FADS2: variants seen among roughly 807,000 people sequenced by gnomAD.
FADS2 encodes the protein acyl-CoA 6-desaturase.
FADS2 carries 18 observed loss-of-function variants against 61.2 expected under a neutral mutation model. The observed-to-expected ratio is 0.29, with a 90% CI of 0.20 to 0.44. FADS2 has a LOEUF of 0.44. FADS2 is among the 20% of genes least tolerant of loss of function. The pLI, the probability that FADS2 is intolerant of heterozygous loss-of-function variation, is 1.00. For missense variants in FADS2, 322 were observed against 572.7 expected (o/e 0.56, Z 4.47); for synonymous variants, 203 against 223.9 (o/e 0.91, Z 0.83).
At chr11:61,818,199 A>T (rs1436448183) in intron 1 of FADS2, among the ~76,000 whole-genome samples, 1 of 152,256 alleles carries the variant, frequency 6.6e-6, no homozygotes, top group Non-Finnish European at 1.5e-5. Context: ...GTAGAAAAGG[A>T]TTAATTCATT....
chr11:61,858,332 C>T (rs2067382729), intron 7 of FADS2, among the ~76,000 whole-genome samples: 1 of 152,062 alleles, frequency 6.6e-6, no homozygotes, highest in Non-Finnish European at 1.5e-5. Flanking sequence ...GCACCGGCCA[C>T]CATGCCCAGC....
upstream of FADS2, chr11:61,826,612 T>C: frequency 1.7e-6 from 1 of 576,170 alleles, no homozygotes; most frequent in South Asian, 2.1e-5. Flanking sequence ...CATCCTCTTA[T>C]TTTGTACAGA....
intron 4 of FADS2, among the ~76,000 whole-genome samples, chr11:61,841,176 C>T (rs1031846308): frequency 4.6e-5 from 7 of 151,718 alleles, no homozygotes; most frequent in Non-Finnish European, 5.9e-5. Context: ...CTCAGCCTCC[C>T]GAGTAGCTGG....
intron 7 of FADS2, chr11:61,862,763 A>G (rs895202845): frequency 5.1e-6 from 3 of 583,374 alleles, no homozygotes; most frequent in Non-Finnish European, 6.1e-6. Context: ...TCACTTCCTG[A>G]TGCTAAAACA....
chr11:61,852,783 CT>C (rs1234607186), intron 5 of FADS2, among the ~76,000 whole-genome samples: 1 of 152,090 alleles, frequency 6.6e-6, no homozygotes, highest in Non-Finnish European at 1.5e-5. Context: ...ACTTACGTCT[CT>C]TCGTAATTCT....
rs376671519 is a variant in FADS2, at chr11:61,865,599, G to A, written c.1284-39G>A. On this transcript the variant is annotated intron_variant, in intron 11 of 11. Transcript: ENST00000278840. The surrounding 1 kb of genome is among the most constrained non-coding windows in gnomAD (Gnocchi z 4.1). ...CCTTGCACTCCCTGGGGCCACTCCC[G>A]TCCTGGTCCCTGACCCTGGTCCATC... The A allele has an allele frequency of 8.4e-5, 134 of 1,602,204 alleles. No individual in the cohort carries two copies. Among genetic ancestry groups the A allele is most frequent in the African/African-American group, 8.2e-4 (61 of 74,778 alleles).
chr11:61,863,652 G>C lies in FADS2; in HGVS notation c.1078-55G>C, dbSNP rs1166469032. On this transcript the variant is annotated intron_variant, in intron 9 of 11. Coordinates refer to ENST00000278840, the MANE Select transcript of FADS2 (RefSeq NM_004265.4). ...GTAAGGCTGGGCCCCCTGGGAATGA[G>C]GCCGGGCCCTTGGGCCTTCCTTTGT... The C allele has an allele frequency of 4.0e-6, 6 of 1,492,244 alleles. No individual in the cohort carries two copies. In the South Asian group the frequency reaches 6.8e-5, roughly 17 times the overall value. 92.4% of individuals were successfully genotyped at this position (1,492,244 alleles called of 1,614,324 possible). A position where few individuals can be genotyped will look rare whatever the true frequency, so the allele number is the denominator to read the frequency against.
chr11:61,824,891 G>GT (rs1404372161), upstream of FADS2, among the ~76,000 whole-genome samples: 1 of 152,134 alleles, frequency 6.6e-6, no homozygotes, highest in East Asian at 1.9e-4. Context: ...CCCTTCTGCA[G>GT]TAAGAGAGAA....
upstream of FADS2, chr11:61,826,642 C>T (rs938669351): frequency 5.5e-6 from 3 of 542,970 alleles, no homozygotes; most frequent in African/African-American, 5.7e-5. Context: ...TTTGGGATGT[C>T]TGCTCACACT....
At chr11:61,847,096 G>C (rs995466782) in intron 4 of FADS2, 2 of 151,916 alleles carry the variant, frequency 1.3e-5, no homozygotes, top group African/African-American at 4.8e-5. Flanking sequence ...ACCACGCCCG[G>C]CTAATTTTTG....
intron 7 of FADS2, among the ~76,000 whole-genome samples, chr11:61,860,794 C>G (rs174612): frequency 0.51 from 77,437 of 152,030 alleles, 20,394 homozygotes; most frequent in Admixed American, 0.62. Flanking sequence ...CTGTAATCTA[C>G]CTACTTTGGA....
At chr11:61,829,786 G>T (rs906812563) in intron 1 of FADS2, among the ~76,000 whole-genome samples, 1 of 152,136 alleles carries the variant, frequency 6.6e-6, no homozygotes, top group African/African-American at 2.4e-5. Flanking sequence ...CTGTTGGTGG[G>T]CTTTTGCTCT....
In FADS2 at chr11:61,816,832, G is replaced by T. The variant is rs1387581675; in HGVS notation, c.141+406G>T. The stretch of plus-strand genomic sequence containing the variant: ...CGTGCTCGGGGTCCGCGGGCTCCAG[G>T]AGTGGATTTGCTGGCGCGCGCCCAG... On this transcript the variant is annotated intron_variant, in intron 1 of 11. Transcript: ENST00000257261. The surrounding 1 kb of genome is among the most constrained non-coding windows in gnomAD (Gnocchi z 7.0). The T allele has an allele frequency of 3.3e-6, 5 of 1,492,816 alleles. No individual in the cohort carries two copies. Among genetic ancestry groups the T allele is most frequent in the Non-Finnish European group, 4.4e-6 (5 of 1,131,120 alleles). The allele number at this position is 1,492,816 out of a possible 1,614,324, so 92.5% of individuals were successfully genotyped here. A position where few individuals can be genotyped will look rare whatever the true frequency, so the allele number is the denominator to read the frequency against.
Position 61,865,614 on chromosome 11 carries a change from C to T in FADS2, c.1284-24C>T, listed in dbSNP as rs937844901. 7.4e-6 allele frequency: 12 copies of T among 1,611,250 alleles called. No homozygotes were observed. Among genetic ancestry groups the T allele is most frequent in the South Asian group, 1.1e-5 (1 of 90,584 alleles). ...GGCCACTCCCGTCCTGGTCCCTGACCCTGGTCCATCCCCAACTTTGCAGGT... is the reference window on the plus strand; with the variant it reads ...GGCCACTCCCGTCCTGGTCCCTGACTCTGGTCCATCCCCAACTTTGCAGGT... On this transcript the variant is annotated intron_variant, in intron 11 of 11. Coordinates refer to ENST00000278840, the MANE Select transcript of FADS2 (RefSeq NM_004265.4). The surrounding 1 kb of genome is among the most constrained non-coding windows in gnomAD (Gnocchi z 4.1).
At position 61,865,598 on chromosome 11, in the gene FADS2, C is replaced by T. The variant is rs762759491; in HGVS notation, c.1284-40C>T. The T allele has an allele frequency of 2.3e-5, 36 of 1,597,448 alleles. No homozygotes were observed. Among genetic ancestry groups the T allele is most frequent in the South Asian group, 3.3e-5 (3 of 89,896 alleles). On this transcript the variant is annotated intron_variant, in intron 11 of 11. Transcript: ENST00000278840. This position sits in a 1 kb window ranked among gnomAD's most constrained non-coding sequence, Gnocchi z 4.1. ...CCCTTGCACTCCCTGGGGCCACTCC[C>T]GTCCTGGTCCCTGACCCTGGTCCAT... is the stretch of plus-strand genomic sequence containing the variant.
In FADS2 at chr11:61,865,344, A is replaced by G. The variant is rs2067459309; in HGVS notation, c.1283+67A>G. On this transcript the variant is annotated intron_variant, in intron 11 of 11. Coordinates refer to ENST00000278840, the MANE Select transcript of FADS2 (RefSeq NM_004265.4). This position sits in a 1 kb window ranked among gnomAD's most constrained non-coding sequence, Gnocchi z 4.1. ...CCGTGGTGCAGACAGTGGGATCACA[A>G]GAGGGGCTGGGCCCTCCTGGCACAG... 1 of 1,578,838 alleles carries G rather than the reference A, an allele frequency of 6.3e-7. No homozygotes were observed. The highest frequency in any genetic ancestry group is 1.1e-5 in the South Asian group (1 of 87,088).
At chr11:61,848,605 C>A in intron 5 of FADS2, 1 of 287,050 alleles carries the variant, frequency 3.5e-6, no homozygotes, top group South Asian at 5.9e-5. Flanking sequence ...ACAGACACAG[C>A]TCCTCATTAG....
chr11:61,838,295 T>G (rs1253253055), intron 2 of FADS2, among the ~76,000 whole-genome samples: 2 of 151,978 alleles, frequency 1.3e-5, no homozygotes, highest in Admixed American at 6.5e-5. Context: ...TGTCTGCAGG[T>G]CAGACGCCCC....
rs1411019289 is a variant in FADS2, at chr11:61,816,927, C to T, written c.141+501C>T. 2 of 1,392,752 alleles carry T rather than the reference C, an allele frequency of 1.4e-6. No individual in the cohort carries two copies. The highest frequency in any genetic ancestry group is 1.5e-5 in the African/African-American group (1 of 65,570). 86.3% of individuals were successfully genotyped at this position (1,392,752 alleles called of 1,614,324 possible). A position where few individuals can be genotyped will look rare whatever the true frequency, so the allele number is the denominator to read the frequency against. On this transcript the variant is annotated intron_variant, in intron 1 of 11. Coordinates refer to the FADS2 transcript ENST00000257261. The surrounding 1 kb of genome is among the most constrained non-coding windows in gnomAD (Gnocchi z 7.0). ...CGGCGGGCCTCGCAGCGCGCGTTCC[C>T]ATTGGCCGAGCCTCGTGGCGCGGGG...
Sources: allele counts gnomAD v4.1 joint callset (sites outside exome capture counted in the v4.1 genomes callset), GRCh38; gene constraint gnomAD v4.1.1; non-coding constraint Gnocchi (gnomAD v3.1); transcripts MANE v1.5; gene names NCBI Gene and HGNC (gene_info 2026-07-23, HGNC 2026-07-21).